The following TMCO1 variants were observed in gnomAD, a reference collection of about 807,000 sequenced individuals.
TMCO1 encodes the protein calcium load-activated calcium channel.
A neutral mutation model predicts 29.3 loss-of-function variants in TMCO1; 29 were observed. That is an observed-to-expected ratio of 0.99 (90% CI 0.74 to 1.35). The LOEUF is 1.35. Among genes scored for constraint, TMCO1 ranks in the 40% most tolerant of loss-of-function variants. TMCO1 has a pLI of 0.00. For missense variants in TMCO1, 173 were observed against 225.5 expected, an observed-to-expected ratio of 0.77 and a Z score of 1.49; for synonymous variants, 80 against 77.1, an observed-to-expected ratio of 1.04 and a Z score of -0.20.
chr1:165,751,318 AG>A (rs1181787030), intron 5 of TMCO1, among the ~76,000 whole-genome samples: 1 of 152,246 alleles, frequency 6.6e-6, no homozygotes, highest in African/African-American at 2.4e-5. Context: ...TTCTCTATAG[AG>A]AACCCATAAT....
chr1:165,762,469 A>T (rs1479888960), intron 2 of TMCO1, among the ~76,000 whole-genome samples: 10 of 152,174 alleles, frequency 6.6e-5, no homozygotes, highest in Admixed American at 6.5e-4. Context: ...TAGAAACATA[A>T]GACAATTCCA....
In TMCO1 at chr1:165,732,500, TCTC is replaced by T. The variant is rs1266678213; in HGVS notation, c.469-4382_469-4380del. Among the ~76,000 whole-genome samples the T allele has an allele frequency of 4.1e-5, 6 of 145,188 alleles. No homozygotes were observed. The East Asian group carries it at 9.9e-4, about 24-fold the overall frequency. ...GTTTCTCTCTCTCTCTCTCTCTCTC[TCTC>T]TCTATATATATATATATAAACATAC... On this transcript the variant is annotated intron_variant, in intron 6 of 6. Coordinates refer to ENST00000367881, the MANE Select transcript of TMCO1 (RefSeq NM_019026.6).
At chr1:165,734,809 T>TTTTTG (rs532360985) in intron 6 of TMCO1, among the ~76,000 whole-genome samples, 130 of 152,260 alleles carry the variant, frequency 8.5e-4, no homozygotes, top group South Asian at 1.2e-3. Context: ...GGCCCATCGT[T>TTTTTG]TTTTGTTTTG....
At chr1:165,734,812 T>C (rs890009142) in intron 6 of TMCO1, among the ~76,000 whole-genome samples, 8 of 152,090 alleles carry the variant, frequency 5.3e-5, no homozygotes, top group African/African-American at 1.7e-4. Context: ...CCATCGTTTT[T>C]TGTTTTGTTT....
intron 6 of TMCO1, among the ~76,000 whole-genome samples, chr1:165,734,294 G>A (rs960868017): frequency 2.6e-5 from 4 of 151,960 alleles, no homozygotes; most frequent in Non-Finnish European, 4.4e-5. Context: ...GCTTGATATC[G>A]CTGAAATATT....
At chr1:165,746,457 A>T (rs74121466) in intron 5 of TMCO1, among the ~76,000 whole-genome samples, 1,954 of 141,028 alleles carry the variant, frequency 0.014, 49 homozygotes, top group African/African-American at 0.049. Context: ...CCTATATCAC[A>T]CACACACACA....
At chr1:165,725,192 G>C (rs1348339816), downstream of TMCO1, 1 of 452,120 alleles carries the variant, frequency 2.2e-6, no homozygotes, top group Non-Finnish European at 4.4e-6. Context: ...TTACTTAAAG[G>C]GCAGTATTGA....
chr1:165,729,089 A>G (rs1651018159), intron 6 of TMCO1, among the ~76,000 whole-genome samples: 1 of 132,352 alleles, frequency 7.6e-6, no homozygotes, highest in Admixed American at 8.4e-5. Flanking sequence ...TGGGCAACAG[A>G]GTGAGATTCT....
intron 6 of TMCO1, among the ~76,000 whole-genome samples, chr1:165,740,795 T>A (rs1252859435): frequency 6.6e-6 from 1 of 152,234 alleles, no homozygotes; most frequent in African/African-American, 2.4e-5. Context: ...AAGTGAGTTC[T>A]CTCTGGTTCT....
chr1:165,767,481 T>G (rs1652615725), intron 2 of TMCO1, among the ~76,000 whole-genome samples: 1 of 152,200 alleles, frequency 6.6e-6, no homozygotes, highest in Admixed American at 6.5e-5. Context: ...CCACTTACCT[T>G]GACACCAGTC....
intron 2 of TMCO1, among the ~76,000 whole-genome samples, chr1:165,763,245 T>C (rs17418864): frequency 0.049 from 7,539 of 152,308 alleles, 269 homozygotes; most frequent in Non-Finnish European, 0.075. Context: ...TATTTGCAAT[T>C]AAGACATTTG....
chr1:165,755,831 C>G (rs73014633), intron 3 of TMCO1, among the ~76,000 whole-genome samples: 1 of 152,152 alleles, frequency 6.6e-6, no homozygotes, highest in Non-Finnish European at 1.5e-5. Context: ...CTCTGTCCTA[C>G]TACTGCTGAC....
intron 6 of TMCO1, among the ~76,000 whole-genome samples, chr1:165,742,781 A>G (rs1344363388): frequency 6.6e-6 from 1 of 152,228 alleles, no homozygotes; most frequent in Non-Finnish European, 1.5e-5. Flanking sequence ...TGAATAACCT[A>G]AAATTACCAC....
chr1:165,726,168 AT>A (rs540659851), downstream of TMCO1: 235 of 694,324 alleles, frequency 3.4e-4, no homozygotes, highest in Admixed American at 6.1e-4. Flanking sequence ...CTTCATTATC[AT>A]TCGAATTATT....
At chr1:165,735,752 T>G (rs2101791682) in intron 6 of TMCO1, among the ~76,000 whole-genome samples, 1 of 152,186 alleles carries the variant, frequency 6.6e-6, no homozygotes, top group East Asian at 1.9e-4. Flanking sequence ...TGACCTCAAG[T>G]GATCTACCCG....
rs201744337 is a variant in TMCO1 at position 165,768,128 on chromosome 1, TTGTGAACA to T, written c.148+56_148+63del. 5.4e-4 allele frequency: 715 copies of T among 1,335,062 alleles called. 7 individuals are homozygous for T. In the East Asian group the frequency reaches 0.012, roughly 22 times the overall value. The allele number at this position is 1,335,062 out of a possible 1,614,324, so 82.7% of individuals were successfully genotyped here. ...TCAGCTGGTGCTCTTAAAATATTTATTGTGAACATGGACTTAATGAGCTTGACGTGTTG... is the reference window on the plus strand; with the variant it reads ...TCAGCTGGTGCTCTTAAAATATTTATTGGACTTAATGAGCTTGACGTGTTG... On this transcript the variant is annotated intron_variant, in intron 2 of 6. Coordinates refer to ENST00000367881, the MANE Select transcript of TMCO1 (RefSeq NM_019026.6).
At chr1:165,767,480 T>C (rs1652615639) in intron 2 of TMCO1, among the ~76,000 whole-genome samples, 1 of 152,214 alleles carries the variant, frequency 6.6e-6, no homozygotes, top group East Asian at 1.9e-4. Flanking sequence ...ACCACTTACC[T>C]TGACACCAGT....
At chr1:165,740,910 T>G (rs1651570599) in intron 6 of TMCO1, among the ~76,000 whole-genome samples, 3 of 152,228 alleles carry the variant, frequency 2.0e-5, no homozygotes, top group Non-Finnish European at 4.4e-5. Flanking sequence ...TGCAGAACTG[T>G]GAGCTAAATT....
chr1:165,763,721 G>A (rs1571232862), intron 2 of TMCO1, among the ~76,000 whole-genome samples: 1 of 152,192 alleles, frequency 6.6e-6, no homozygotes, highest in East Asian at 1.9e-4. Flanking sequence ...CGCCTCCTGA[G>A]CTCAAGCAAT....
Sources: gnomAD v4.1 joint callset for allele counts (sites outside exome capture counted in the v4.1 genomes callset) on GRCh38, gnomAD v4.1.1 for gene constraint, MANE v1.5 for transcripts, NCBI Gene and HGNC (gene_info 2026-07-23, HGNC 2026-07-21) for gene names.